The following CACNA1D variants were observed in gnomAD, a reference collection of about 807,000 sequenced individuals.
CACNA1D encodes voltage-dependent L-type calcium channel subunit alpha-1D.
CACNA1D carries 55 observed loss-of-function variants against 257.1 expected under a neutral mutation model. The observed-to-expected ratio is 0.21, with a 90% CI of 0.17 to 0.27. The LOEUF (loss-of-function observed/expected upper bound fraction) is 0.27, where lower values mean the gene tolerates loss of function less well. Ranked by LOEUF, CACNA1D falls within the 10% of genes least tolerant of loss-of-function variation. CACNA1D has a pLI of 1.00. For missense variants in CACNA1D, 1,876 were observed against 2,784.0 expected, an observed-to-expected ratio of 0.67 and a Z score of 7.34; for synonymous variants, 980 against 1,014.9, an observed-to-expected ratio of 0.97 and a Z score of 0.65.
chr3:53,764,511 G>C (rs2095321782), intron 30 of CACNA1D, among the ~76,000 whole-genome samples: 2 of 152,224 alleles, frequency 1.3e-5, no homozygotes, highest in South Asian at 4.1e-4. Context: ...TAGCTTCCGG[G>C]CACCAGGATG....
intron 3 of CACNA1D, among the ~76,000 whole-genome samples, chr3:53,554,701 C>T (rs560794426): frequency 8.5e-5 from 13 of 152,220 alleles, no homozygotes; most frequent in South Asian, 2.1e-4. Context: ...GCTTTTGCTG[C>T]GTGAGGTTAA....
intron 3 of CACNA1D, among the ~76,000 whole-genome samples, chr3:53,501,966 A>G (rs1356893854): frequency 6.6e-6 from 1 of 152,076 alleles, no homozygotes; most frequent in Non-Finnish European, 1.5e-5. Flanking sequence ...TATGGAAGAG[A>G]TTTGGAGCAG....
intron 10 of CACNA1D, chr3:53,718,601 C>CCCCCCCATTA: frequency 9.1e-7 from 1 of 1,103,198 alleles, no homozygotes; most frequent in Non-Finnish European, 1.3e-6. Context: ...CCCCCCGGCC[C>CCCCCCCATTA]AGCATTTCAC....
At chr3:53,533,704 C>T (rs1484003903) in intron 3 of CACNA1D, among the ~76,000 whole-genome samples, 1 of 152,296 alleles carries the variant, frequency 6.6e-6, no homozygotes, top group Non-Finnish European at 1.5e-5. Flanking sequence ...GCCGTGGGCG[C>T]TGAGCACGTG....
chr3:53,664,842 C>A (rs2094244055), intron 5 of CACNA1D, among the ~76,000 whole-genome samples: 1 of 152,244 alleles, frequency 6.6e-6, no homozygotes, highest in Non-Finnish European at 1.5e-5. Context: ...GGGCTCCTTG[C>A]TTCTAGTGAA....
chr3:53,811,328 C>T lies in CACNA1D; in HGVS notation c.6408C>T (p.Gly2136=). Residue 2136 remains glycine (G), a synonymous_variant, in exon 48 of 48, where the codon GGC becomes GGT. Coordinates refer to ENST00000350061, the MANE Select transcript of CACNA1D (RefSeq NM_001128840.3). This position sits in a 1 kb window ranked among gnomAD's most constrained non-coding sequence, Gnocchi z 4.2. ...ATGAGCTACAGGACTTTGGTCCTGG[C>T]TACAGCGACGAAGAGCCAGACCCTG... ...QDYELQDFGP[G]YSDEEPDPGR... is the part of the protein sequence containing the mutation. 6.2e-7 allele frequency: 1 copy of T among 1,607,592 alleles called. No individual in the cohort carries two copies. The highest frequency in any genetic ancestry group is 1.7e-4 in the Middle Eastern group (1 of 6,000).
At chr3:53,591,262 T>G (rs1485727190) in intron 3 of CACNA1D, among the ~76,000 whole-genome samples, 2 of 152,182 alleles carry the variant, frequency 1.3e-5, no homozygotes, top group Non-Finnish European at 2.9e-5. Context: ...TATTTATTTA[T>G]TTAGTTTTGA....
chr3:53,689,991 C>A (rs1355568176), intron 8 of CACNA1D, among the ~76,000 whole-genome samples: 1 of 152,006 alleles, frequency 6.6e-6, no homozygotes, highest in African/African-American at 2.4e-5. Context: ...TAATCCTGTG[C>A]TTTATTCAGT....
At chr3:53,690,373 T>C (rs1402071423) in intron 8 of CACNA1D, among the ~76,000 whole-genome samples, 3 of 152,242 alleles carry the variant, frequency 2.0e-5, no homozygotes, top group Non-Finnish European at 2.9e-5. Context: ...ATACAGAGGC[T>C]TCAGAGAAAT....
chr3:53,617,867 C>T (rs1481584358), intron 3 of CACNA1D, among the ~76,000 whole-genome samples: 1 of 152,134 alleles, frequency 6.6e-6, no homozygotes, highest in Non-Finnish European at 1.5e-5. Flanking sequence ...GGAAAGAGCC[C>T]TGGACTTGGA....
At chr3:53,649,708 A>G (rs928249454) in intron 3 of CACNA1D, among the ~76,000 whole-genome samples, 1 of 152,204 alleles carries the variant, frequency 6.6e-6, no homozygotes, top group Admixed American at 6.5e-5. Flanking sequence ...TCTCTAAGGT[A>G]TTGGTAACTT....
chr3:53,627,161 C>T (rs570359020), intron 3 of CACNA1D, among the ~76,000 whole-genome samples: 13 of 152,334 alleles, frequency 8.5e-5, no homozygotes, highest in Non-Finnish European at 1.3e-4. Context: ...GAGACCTCTC[C>T]ACCTCACAGG....
chr3:53,608,490 C>A (rs183149467), intron 3 of CACNA1D, among the ~76,000 whole-genome samples: 1 of 152,244 alleles, frequency 6.6e-6, no homozygotes, highest in African/African-American at 2.4e-5. Flanking sequence ...TGCCTTATTA[C>A]ATTATTTGAA....
At chr3:53,681,096 G>C (rs1050463730) in intron 8 of CACNA1D, among the ~76,000 whole-genome samples, 2 of 152,200 alleles carry the variant, frequency 1.3e-5, no homozygotes, top group Admixed American at 6.5e-5. Flanking sequence ...TTCCTGCCCT[G>C]GTGTGTGAGA....
intron 9 of CACNA1D, among the ~76,000 whole-genome samples, chr3:53,713,494 CTGTGTGTATGTGTGTG>C (rs1324211494): frequency 9.0e-6 from 1 of 110,656 alleles, no homozygotes; most frequent in Non-Finnish European, 1.8e-5. Flanking sequence ...CTCATTTGCT[CTGTGTGTATGTGTGTG>C]TGTGTGTGTG....
chr3:53,505,589 C>T (rs988421189), intron 3 of CACNA1D, among the ~76,000 whole-genome samples: 1 of 152,206 alleles, frequency 6.6e-6, no homozygotes, highest in Non-Finnish European at 1.5e-5. Context: ...TCATTCCTTC[C>T]TCTGAGCCAT....
In CACNA1D at chr3:53,798,338, CGTGTGTGTGT is replaced by C. The variant is rs59321196; in HGVS notation, c.4924-1909_4924-1900del. Among the ~76,000 whole-genome samples the C allele has an allele frequency of 8.6e-3, 1,217 of 141,708 alleles. 16 individuals carry two copies. Among genetic ancestry groups the C allele is most frequent in the African/African-American group, 0.029 (1,141 of 39,842 alleles). The allele number at this position is 141,708 out of a possible 152,430, so 93.0% of individuals were successfully genotyped here. ...GTGTGTGTGTGTGTGCGTGTGTGTG[CGTGTGTGTGT>C]GCACGTGCACGCACGTGTATGCACA... On this transcript the variant is annotated intron_variant, in intron 40 of 47. Transcript: ENST00000350061.
intron 3 of CACNA1D, among the ~76,000 whole-genome samples, chr3:53,548,783 T>G (rs2092468856): frequency 6.6e-6 from 1 of 152,234 alleles, no homozygotes; most frequent in Non-Finnish European, 1.5e-5. Flanking sequence ...TGCAATAGTT[T>G]GCATAAACGT....
rs1353702897 is a variant in CACNA1D at position 53,775,941 on chromosome 3, C to T, written c.4258C>T (p.Leu1420Phe). Reference sequence around the variant, plus strand: ...CATGCTGGCCTGTCTCCCAGGGAAGCTCTGTGACCCTGAGTCAGATTACAA... The same window carrying T: ...CATGCTGGCCTGTCTCCCAGGGAAGTTCTGTGACCCTGAGTCAGATTACAA... Reference protein sequence around the residue: ...EIMLACLPGKLCDPESDYNPG... With the variant: ...EIMLACLPGKFCDPESDYNPG... Residue 1420 changes from leucine to phenylalanine, a missense_variant, in exon 35 of 48, where the codon CTC becomes TTC. Physicochemically the swap from Leu to Phe is conservative, Grantham distance 22. Transcript: ENST00000350061. The T allele has an allele frequency of 1.2e-6, 2 of 1,614,112 alleles. No homozygotes were observed. The highest frequency in any genetic ancestry group is 8.5e-7 in the Non-Finnish European group (1 of 1,179,938).
Sources: gnomAD v4.1 joint callset for allele counts (sites outside exome capture counted in the v4.1 genomes callset) on GRCh38, gnomAD v4.1.1 for gene constraint, Gnocchi (gnomAD v3.1) non-coding constraint, MANE v1.5 for transcripts, NCBI Gene and HGNC (gene_info 2026-07-23, HGNC 2026-07-21) for gene names.